The following RAPGEF1 variants were observed in gnomAD, a reference collection of about 807,000 sequenced individuals.
RAPGEF1 encodes Rap guanine nucleotide exchange factor 1, also known as CRK SH3-binding GNRP.
A neutral mutation model predicts 143.3 loss-of-function variants in RAPGEF1; 33 were observed. The ratio of observed to expected loss-of-function variants is 0.23; its 90% CI spans 0.17 to 0.31. RAPGEF1 has a LOEUF of 0.31. Ranked by LOEUF, RAPGEF1 falls within the 10% of genes least tolerant of loss-of-function variation. The probability of loss-of-function intolerance (pLI) is 1.00; values close to 1 mark genes in which losing one functional copy is unlikely to be tolerated. For missense variants in RAPGEF1, 1,199 were observed against 1,645.4 expected (o/e 0.73, Z 4.69); for synonymous variants, 629 against 676.5 (o/e 0.93, Z 1.09).
intron 20 of RAPGEF1, 147 bp from the exon 21 acceptor site, chr9:131,588,173 G>T (rs1032551494): frequency 1.5e-6 from 1 of 663,458 alleles, no homozygotes; most frequent in African/African-American, 1.8e-5. Flanking sequence ...GCCCCAAAAG[G>T]CTCCCTGGGG....
chr9:131,725,013 A>T (rs530731293), intron 1 of RAPGEF1, among the ~76,000 whole-genome samples: 1 of 152,346 alleles, frequency 6.6e-6, no homozygotes, highest in Admixed American at 6.5e-5. Context: ...CATCCTCCCC[A>T]GCTGTGCTAC....
chr9:131,610,983 T>G (rs1957948873), intron 12 of RAPGEF1, among the ~76,000 whole-genome samples: 1 of 152,264 alleles, frequency 6.6e-6, no homozygotes, highest in African/African-American at 2.4e-5. Flanking sequence ...TTCTCTTTCC[T>G]TACGGTCCCA....
chr9:131,654,244 A>G (rs549650459), intron 1 of RAPGEF1, among the ~76,000 whole-genome samples: 71 of 152,328 alleles, frequency 4.7e-4, no homozygotes, highest in African/African-American at 1.7e-3. Context: ...TAGAAAAAAA[A>G]AAGAACTGTA....
At chr9:131,631,289 T>G (rs772506248) in intron 5 of RAPGEF1, among the ~76,000 whole-genome samples, 18 of 152,202 alleles carry the variant, frequency 1.2e-4, no homozygotes, top group Non-Finnish European at 2.4e-4. Flanking sequence ...ATCAACACAA[T>G]CAATTTTAGG....
chr9:131,639,331 G>A (rs1483481717), intron 4 of RAPGEF1, among the ~76,000 whole-genome samples: 1 of 152,170 alleles, frequency 6.6e-6, no homozygotes, highest in East Asian at 1.9e-4. Flanking sequence ...CTATAACGAT[G>A]AGACAGACGT....
chr9:131,604,458 AG>A (rs763273731), intron 13 of RAPGEF1, among the ~76,000 whole-genome samples: 61 of 152,358 alleles, frequency 4.0e-4, no homozygotes, highest in Non-Finnish European at 8.1e-4. Context: ...GAAGCGCTAC[AG>A]GCACTTTAAC....
At chr9:131,615,322 C>T (rs763704547) in intron 12 of RAPGEF1, among the ~76,000 whole-genome samples, 2 of 152,378 alleles carry the variant, frequency 1.3e-5, no homozygotes, top group African/African-American at 2.4e-5. Flanking sequence ...GATCCGCCCA[C>T]CTTGGCCTCC....
At chr9:131,614,546 A>AGAGT (rs1024746752) in intron 12 of RAPGEF1, among the ~76,000 whole-genome samples, 2 of 152,182 alleles carry the variant, frequency 1.3e-5, no homozygotes, top group Non-Finnish European at 2.9e-5. Flanking sequence ...AAGGAGAGAA[A>AGAGT]GAGTGAGTGA....
At chr9:131,700,709 G>A (rs1319144968) in intron 1 of RAPGEF1, among the ~76,000 whole-genome samples, 7 of 152,048 alleles carry the variant, frequency 4.6e-5, no homozygotes, top group Non-Finnish European at 1.0e-4. Flanking sequence ...ACCTTCCACT[G>A]TCTGTTTTCT....
Position 131,739,806 on chromosome 9 carries a change from G to A in RAPGEF1, c.25C>T (p.Arg9Cys), listed in dbSNP as rs538315339. Residue 9 changes from arginine to cysteine, a missense_variant, in exon 1 of 27, where the codon CGC becomes TGC. Arg to Cys is a radical substitution (Grantham distance 180). Around this residue, in one of 6 missense-constraint regions of RAPGEF1, gnomAD observed 613 missense variants for 710.9 expected, o/e 0.86. Transcript: ENST00000683357. Reference protein sequence around the residue: MSGGLGLRRSPEMSGKIEK... With the variant: MSGGLGLRCSPEMSGKIEK... Reference sequence around the variant, plus strand: ...ATCTTGCCGGACATTTCCGGGCTGCGCCGGAGGCCGAGGCCGCCGCTCATC... The same window carrying A: ...ATCTTGCCGGACATTTCCGGGCTGCACCGGAGGCCGAGGCCGCCGCTCATC... 76 of 1,154,322 alleles carry A rather than the reference G, an allele frequency of 6.6e-5. No individual in the cohort carries two copies. Among genetic ancestry groups the A allele is most frequent in the Middle Eastern group, 7.6e-4 (2 of 2,632 alleles). 71.5% of individuals were successfully genotyped at this position (1,154,322 alleles called of 1,614,324 possible).
intron 1 of RAPGEF1, among the ~76,000 whole-genome samples, chr9:131,670,679 G>GC (rs908515165): frequency 1.3e-5 from 2 of 152,202 alleles, no homozygotes; most frequent in African/African-American, 4.8e-5. Flanking sequence ...CAGTCTCCCG[G>GC]CCTCAAGGAA....
chr9:131,710,103 A>T (rs1280142813), intron 1 of RAPGEF1: 1 of 305,808 alleles, frequency 3.3e-6, no homozygotes, highest in Non-Finnish European at 4.8e-6. Context: ...GCTGAAAGTC[A>T]TAAATGAACC....
chr9:131,690,169 T>C (rs1833679858), intron 1 of RAPGEF1, among the ~76,000 whole-genome samples: 1 of 152,218 alleles, frequency 6.6e-6, no homozygotes, highest in Admixed American at 6.5e-5. Flanking sequence ...AAAAGTCTAA[T>C]TAATGGATGA....
rs1301273603 is a variant in RAPGEF1, at chr9:131,639,465, TGTGAGA to T, written c.495-680_495-675del. Among the ~76,000 whole-genome samples the T allele has an allele frequency of 2.2e-5, 3 of 137,914 alleles. No individual in the cohort carries two copies. The Admixed American group carries it at 2.2e-4, about 10-fold the overall frequency. The allele number at this position is 137,914 out of a possible 152,430, so 90.5% of individuals were successfully genotyped here. On this transcript the variant is annotated intron_variant, in intron 4 of 26. Coordinates refer to ENST00000683357, the MANE Select transcript of RAPGEF1 (RefSeq NM_001377935.1). ...GTGTGTGTGTGTGTGTGTGTGTGTG[TGTGAGA>T]GAGAGACCACGCTACCAGCTACACT...
Position 131,621,792 on chromosome 9 carries a change from T to C in RAPGEF1, c.1905+4A>G. ...TTCTAGTCACAAGGGAAGGTGTCAC[T>C]CACCAGCTGCCGCTGCTTGGGGGGT... On this transcript the variant is annotated splice_donor_region_variant and intron_variant, in intron 11 of 26. Coordinates refer to ENST00000683357, the MANE Select transcript of RAPGEF1 (RefSeq NM_001377935.1). This position sits in a 1 kb window ranked among gnomAD's most constrained non-coding sequence, Gnocchi z 4.5. 1 of 1,597,818 alleles carries C rather than the reference T, an allele frequency of 6.3e-7. No homozygotes were observed. The highest frequency in any genetic ancestry group is 8.5e-7 in the Non-Finnish European group (1 of 1,172,856).
chr9:131,715,795 G>A (rs1835820659), intron 1 of RAPGEF1, among the ~76,000 whole-genome samples: 1 of 151,180 alleles, frequency 6.6e-6, no homozygotes, highest in Non-Finnish European at 1.5e-5. Context: ...AACCCGGGAG[G>A]TGGAGGTTGC....
intron 1 of RAPGEF1, among the ~76,000 whole-genome samples, chr9:131,720,361 C>T (rs1836176917): frequency 6.6e-6 from 1 of 152,190 alleles, no homozygotes; most frequent in East Asian, 1.9e-4. Context: ...ACAGGTAAGT[C>T]CCTATGACCC....
At chr9:131,622,154 A>G (rs193262130) in intron 10 of RAPGEF1, among the ~76,000 whole-genome samples, 156 bp from the exon 11 acceptor site, 1 of 152,268 alleles carries the variant, frequency 6.6e-6, no homozygotes, top group East Asian at 1.9e-4. Context: ...CGGGCAATGA[A>G]ATCACACTCT....
chr9:131,632,234 T>G (rs1016183286), intron 5 of RAPGEF1, among the ~76,000 whole-genome samples: 16 of 151,960 alleles, frequency 1.1e-4, no homozygotes, highest in African/African-American at 3.9e-4. Context: ...GTTCATGCCA[T>G]TCTTCTGCCT....
Sources: gnomAD v4.1 joint callset for allele counts (sites outside exome capture counted in the v4.1 genomes callset) on GRCh38, gnomAD v4.1.1 for gene constraint, gnomAD v4.1.1 regional missense constraint, Gnocchi (gnomAD v3.1) non-coding constraint, MANE v1.5 for transcripts, NCBI Gene and HGNC (gene_info 2026-07-23, HGNC 2026-07-21) for gene names.